PSTPIP1: variants seen among roughly 807,000 people sequenced by gnomAD.
PSTPIP1 encodes proline-serine-threonine phosphatase-interacting protein 1.
PSTPIP1 carries 66 observed loss-of-function variants against 69.6 expected under a neutral mutation model. That is an observed-to-expected ratio of 0.95 (90% CI 0.78 to 1.16). PSTPIP1 has a LOEUF of 1.16. Among genes scored for constraint, PSTPIP1 ranks in the 50% most tolerant of loss-of-function variants. The probability of loss-of-function intolerance (pLI) is 0.00; values close to 1 mark genes in which losing one functional copy is unlikely to be tolerated. For synonymous variants in PSTPIP1, 266 were observed against 222.7 expected, an observed-to-expected ratio of 1.19 and a Z score of -1.73; for missense variants, 603 against 557.4, an observed-to-expected ratio of 1.08 and a Z score of -0.82.
intron 10 of PSTPIP1, chr15:77,031,622 TG>T (rs2076419708): frequency 3.7e-6 from 1 of 273,076 alleles, no homozygotes; most frequent in Non-Finnish European, 7.3e-6. Flanking sequence ...GGACCGTGGC[TG>T]CTCTGCTCTA....
At chr15:77,034,733 A>G (rs2076512863) in intron 12 of PSTPIP1, among the ~76,000 whole-genome samples, 1 of 152,116 alleles carries the variant, frequency 6.6e-6, no homozygotes, top group African/African-American at 2.4e-5. Context: ...CCACCCCACT[A>G]AGAAGCCCTC....
At chr15:77,016,085 G>C in intron 1 of PSTPIP1, 2 of 456,140 alleles carry the variant, frequency 4.4e-6, no homozygotes, top group Non-Finnish European at 8.8e-6. Flanking sequence ...GTGTGGGGCT[G>C]GGCTCCAGGT....
rs549687188 is a variant in PSTPIP1, at chr15:77,037,307, G to A, written c.*131G>A. Reference sequence around the variant, plus strand: ...CGAGAGGGAGCCTGTCGTCTCCCAGGGAATAAAGGAGTGCGTTCTGTTCTC... The same window carrying A: ...CGAGAGGGAGCCTGTCGTCTCCCAGAGAATAAAGGAGTGCGTTCTGTTCTC... On this transcript the variant is annotated 3_prime_UTR_variant, in exon 15 of 15. Transcript: ENST00000558012. 3.4e-5 allele frequency: 42 copies of A among 1,247,646 alleles called. No homozygotes were observed. The African/African-American group carries it at 5.5e-4, about 16-fold the overall frequency. 77.3% of individuals were successfully genotyped at this position (1,247,646 alleles called of 1,614,324 possible).
chr15:76,995,210 A>G lies in PSTPIP1; in HGVS notation c.-364A>G. On this transcript the variant is annotated 5_prime_UTR_variant, in exon 1 of 15. Coordinates refer to ENST00000558012, the MANE Select transcript of PSTPIP1 (RefSeq NM_003978.5). ...CTCCAGCCTGCCTCTTCCACTGGCC[A>G]CTGCCTCCCACCCAGGGCTGGCATC... The G allele has an allele frequency of 8.3e-7, 1 of 1,208,854 alleles. No individual in the cohort carries two copies. The highest frequency in any genetic ancestry group is 1.6e-5 in the African/African-American group (1 of 63,856). The allele number at this position is 1,208,854 out of a possible 1,614,324, so 74.9% of individuals were successfully genotyped here. A position where few individuals can be genotyped will look rare whatever the true frequency, so the allele number is the denominator to read the frequency against.
chr15:77,033,974 G>A (rs963620913), intron 12 of PSTPIP1, among the ~76,000 whole-genome samples: 8 of 152,244 alleles, frequency 5.3e-5, no homozygotes, highest in African/African-American at 1.7e-4. Context: ...TAAGCAACTG[G>A]ACAAAAGAGC....
Position 77,018,172 on chromosome 15 carries a change from G to C in PSTPIP1, c.61G>C (p.Gly21Arg). 6.3e-7 allele frequency: 1 copy of C among 1,587,798 alleles called. No homozygotes were observed. Among genetic ancestry groups the C allele is most frequent in the South Asian group, 1.2e-5 (1 of 86,760 alleles). ...FWCRDFTAHTGYEVLLQRLLD... is the reference protein window; with the variant it reads ...FWCRDFTAHTRYEVLLQRLLD... The stretch of plus-strand genomic sequence containing the variant: ...GTGCAGGGACTTCACAGCCCACACG[G>C]GCTACGAGGTGCTGCTGCAGCGGCT... The change falls in exon 2 of 15, where the codon GGC becomes CGC. Residue 21 changes from glycine to arginine, a missense_variant. Gly to Arg is a moderately radical substitution (Grantham distance 125, BLOSUM62 -2). Transcript: ENST00000558012.
intron 1 of PSTPIP1, 129 bp from the exon 2 acceptor site, chr15:77,018,019 C>G: frequency 1.1e-6 from 1 of 885,686 alleles, no homozygotes; most frequent in Non-Finnish European, 1.7e-6. Context: ...GTCCCAAGAG[C>G]TTGCCCTGAG....
At chr15:77,028,803 G>A (rs2076348243) in intron 7 of PSTPIP1, among the ~76,000 whole-genome samples, 151 bp downstream of exon 7, 1 of 152,240 alleles carries the variant, frequency 6.6e-6, no homozygotes, top group Non-Finnish European at 1.5e-5. Context: ...TCTGTGAAAT[G>A]GGTTTCCTGG....
Position 77,022,151 on chromosome 15 carries a change from C to G in PSTPIP1, c.213-3133C>G, listed in dbSNP as rs549042799. ...ATTTTTAAAATTTTTTTCATGGTCT[C>G]TCTTCCTCTGAACTCAGAGAGAATG... On this transcript the variant is annotated intron_variant, in intron 3 of 14. Coordinates refer to ENST00000558012, the MANE Select transcript of PSTPIP1 (RefSeq NM_003978.5). Among the ~76,000 whole-genome samples, 18 of 152,384 alleles carry G rather than the reference C, an allele frequency of 1.2e-4. No homozygotes were observed. The South Asian group carries it at 3.7e-3, about 32-fold the overall frequency.
rs780297337 is a variant in PSTPIP1, at chr15:77,028,613, G to A, written c.477G>A (p.Glu159=). 6.9e-6 allele frequency: 11 copies of A among 1,593,852 alleles called. No homozygotes were observed. Among genetic ancestry groups the A allele is most frequent in the Middle Eastern group, 1.7e-4 (1 of 6,060 alleles). The stretch of plus-strand genomic sequence containing the variant: ...CGGACGACGCGGAGCAGGCCTTCGA[G>A]CGCATTAGCGCCAACGGCCACCAGA... ...RDADDAEQAF[E]RISANGHQKQ... The change falls in exon 7 of 15, where the codon GAG becomes GAA. Residue 159 remains glutamate (E), a synonymous_variant. Coordinates refer to ENST00000558012, the MANE Select transcript of PSTPIP1 (RefSeq NM_003978.5).
At chr15:77,036,038 A>G in intron 14 of PSTPIP1, 103 bp downstream of exon 14, 3 of 1,390,898 alleles carry the variant, frequency 2.2e-6, no homozygotes, top group Non-Finnish European at 2.8e-6. Flanking sequence ...TCATGGTTTC[A>G]CTCATCTTCG....
rs758281034 is a variant in PSTPIP1 at position 76,995,565 on chromosome 15, C to G, written c.-9C>G. ...GGAGAGTGAGCTTTGCCGCGGCAGA[C>G]GCCTGAGGATGATGCCCCAGCTGCA... On this transcript the variant is annotated 5_prime_UTR_variant, in exon 1 of 15. Coordinates refer to ENST00000558012, the MANE Select transcript of PSTPIP1 (RefSeq NM_003978.5). 7.4e-6 allele frequency: 12 copies of G among 1,613,824 alleles called. No homozygotes were observed. The highest frequency in any genetic ancestry group is 8.5e-7 in the Non-Finnish European group (1 of 1,179,870).
At chr15:77,007,115 C>G (rs1036879235) in intron 1 of PSTPIP1, among the ~76,000 whole-genome samples, 1 of 152,082 alleles carries the variant, frequency 6.6e-6, no homozygotes, top group Non-Finnish European at 1.5e-5. Flanking sequence ...CTCCTCCCTG[C>G]GATTGCTCTG....
chr15:77,021,481 C>T (rs2076160443), intron 3 of PSTPIP1, among the ~76,000 whole-genome samples: 1 of 152,130 alleles, frequency 6.6e-6, no homozygotes, highest in African/African-American at 2.4e-5. Flanking sequence ...GAGTTCGAGA[C>T]CAGCCTGGCC....
At chr15:77,036,013 C>T (rs372955697) in intron 14 of PSTPIP1, 78 bp downstream of exon 14, 45 of 1,460,702 alleles carry the variant, frequency 3.1e-5, no homozygotes, top group South Asian at 2.2e-4. Flanking sequence ...CAGTGCCTTG[C>T]GTCCTCATCT....
At chr15:77,035,474 G>A (rs367828460) in intron 12 of PSTPIP1, 34 bp from the exon 13 acceptor site, 65 of 1,566,616 alleles carry the variant, frequency 4.1e-5, no homozygotes, top group Admixed American at 1.1e-4. Flanking sequence ...AGTGTGGGGC[G>A]GGGACACTCA....
chr15:77,017,360 A>G lies in PSTPIP1; in HGVS notation c.37-788A>G, dbSNP rs575807101. Among the ~76,000 whole-genome samples, 25 of 152,312 alleles carry G rather than the reference A, an allele frequency of 1.6e-4. No individual in the cohort carries two copies. In the South Asian group the frequency reaches 4.8e-3, roughly 29 times the overall value. ...AGGAGAATTGGGTTGGCCAGGAACA[A>G]CAGCCAGGGCAAGCAGGGCAAGTGC... On this transcript the variant is annotated intron_variant, in intron 1 of 14. Transcript: ENST00000558012.
intron 1 of PSTPIP1, among the ~76,000 whole-genome samples, chr15:76,998,596 A>G (rs2075631629): frequency 1.3e-5 from 2 of 152,200 alleles, no homozygotes; most frequent in Non-Finnish European, 2.9e-5. Context: ...ACAGTTGGCG[A>G]TGGATAAATG....
At chr15:76,995,630 G>A (rs757943820) in intron 1 of PSTPIP1, 21 bp downstream of exon 1, 11 of 1,612,884 alleles carry the variant, frequency 6.8e-6, no homozygotes, top group South Asian at 1.1e-5. Context: ...ATGGTTGGGG[G>A]CACTGAACAA....
Sources: allele counts gnomAD v4.1 joint callset (sites outside exome capture counted in the v4.1 genomes callset), GRCh38; gene constraint gnomAD v4.1.1; transcripts MANE v1.5; gene names NCBI Gene and HGNC (gene_info 2026-07-23, HGNC 2026-07-21).